The following ROBO2 variants were observed in gnomAD, a reference collection of about 807,000 sequenced individuals.
The protein encoded by ROBO2 is roundabout homolog 2.
Under a neutral mutation model 160.8 loss-of-function variants are expected in ROBO2, and 53 were observed. That is an observed-to-expected ratio of 0.33 (90% CI 0.26 to 0.41). The LOEUF is 0.41. ROBO2 is among the 10% of genes least tolerant of loss of function. ROBO2 has a pLI of 1.00. For synonymous variants in ROBO2, 664 were observed against 611.7 expected (o/e 1.09, Z -1.26); for missense variants, 1,577 against 1,722.4 (o/e 0.92, Z 1.49).
chr3:77,026,868 C>T (rs1214168878), intron 2 of ROBO2, among the ~76,000 whole-genome samples: 14 of 152,150 alleles, frequency 9.2e-5, no homozygotes, highest in Non-Finnish European at 1.8e-4. Flanking sequence ...TGTAACTTCT[C>T]GTACCTAGAA....
chr3:77,600,087 A>G (rs2094401637), intron 19 of ROBO2, among the ~76,000 whole-genome samples: 1 of 152,214 alleles, frequency 6.6e-6, no homozygotes, highest in Non-Finnish European at 1.5e-5. Flanking sequence ...CCAGTCAGAC[A>G]GCCTAAAACA....
chr3:76,644,319 A>G (rs1376478952), intron 2 of ROBO2, among the ~76,000 whole-genome samples: 1 of 120,576 alleles, frequency 8.3e-6, no homozygotes, highest in African/African-American at 3.4e-5. Context: ...AATGAGCATA[A>G]GGGGTAAAAA....
intron 2 of ROBO2, among the ~76,000 whole-genome samples, chr3:76,646,699 G>A (rs1395996267): frequency 1.3e-5 from 2 of 152,056 alleles, no homozygotes; most frequent in African/African-American, 4.8e-5. Flanking sequence ...CTTTGCTGAC[G>A]TCTTTACCTC....
intron 2 of ROBO2, among the ~76,000 whole-genome samples, chr3:77,289,100 GT>G (rs1339222241): frequency 1.3e-5 from 2 of 152,154 alleles, no homozygotes; most frequent in Non-Finnish European, 2.9e-5. Context: ...CACTTGATAT[GT>G]GGATTGTACA....
At chr3:76,354,781 T>C (rs543037391) in intron 2 of ROBO2, among the ~76,000 whole-genome samples, 19 of 151,916 alleles carry the variant, frequency 1.3e-4, no homozygotes, top group African/African-American at 4.6e-4. Flanking sequence ...CTGCTGGGTA[T>C]AAGTAGAGGA....
intron 2 of ROBO2, among the ~76,000 whole-genome samples, chr3:76,398,505 T>G (rs975490466): frequency 6.6e-6 from 1 of 151,238 alleles, no homozygotes. Context: ...AAGAAAAAAT[T>G]CAAGCTGTAT....
chr3:77,053,467 T>A (rs537062950), intron 1 of ROBO2, among the ~76,000 whole-genome samples: 1 of 152,162 alleles, frequency 6.6e-6, no homozygotes, highest in Non-Finnish European at 1.5e-5. Context: ...CTTCCTGTCA[T>A]CTGTTTTCAC....
At chr3:76,340,530 T>A (rs2074160766) in intron 2 of ROBO2, among the ~76,000 whole-genome samples, 2 of 152,194 alleles carry the variant, frequency 1.3e-5, no homozygotes, top group Non-Finnish European at 2.9e-5. Context: ...TTATACTGCT[T>A]TACAGCATAT....
chr3:76,276,033 A>G (rs1707899468), intron 2 of ROBO2, among the ~76,000 whole-genome samples: 1 of 152,118 alleles, frequency 6.6e-6, no homozygotes, highest in African/African-American at 2.4e-5. Context: ...TAATTAACAT[A>G]TAAGTACATC....
At chr3:76,944,807 G>A (rs545015159) in intron 2 of ROBO2, among the ~76,000 whole-genome samples, 1 of 152,184 alleles carries the variant, frequency 6.6e-6, no homozygotes, top group Non-Finnish European at 1.5e-5. Context: ...AGGTAAGATG[G>A]ACAGATTAAA....
At chr3:76,460,032 A>AT (rs1237418190) in intron 2 of ROBO2, among the ~76,000 whole-genome samples, 2 of 152,008 alleles carry the variant, frequency 1.3e-5, no homozygotes, top group African/African-American at 4.8e-5. Flanking sequence ...AGATATCTTT[A>AT]TTTTTTTCTT....
intron 2 of ROBO2, among the ~76,000 whole-genome samples, chr3:76,383,113 G>A (rs2076716923): frequency 6.6e-6 from 1 of 152,140 alleles, no homozygotes; most frequent in African/African-American, 2.4e-5. Flanking sequence ...GATGGAGTAG[G>A]CAGGGGAAAG....
chr3:76,266,086 A>G (rs555121402), intron 2 of ROBO2, among the ~76,000 whole-genome samples: 1 of 152,264 alleles, frequency 6.6e-6, no homozygotes, highest in African/African-American at 2.4e-5. Flanking sequence ...AATTTTGTCA[A>G]ATTGCCTTTT....
intron 2 of ROBO2, among the ~76,000 whole-genome samples, chr3:77,256,130 G>A (rs564153155): frequency 6.6e-6 from 1 of 152,278 alleles, no homozygotes; most frequent in Middle Eastern, 3.4e-3. Flanking sequence ...CAGGTTATTT[G>A]TTTTTAGGTG....
chr3:76,857,147 G>A (rs967918533), intron 2 of ROBO2, among the ~76,000 whole-genome samples: 2 of 151,908 alleles, frequency 1.3e-5, no homozygotes, highest in East Asian at 3.9e-4. Flanking sequence ...CACCACGCCC[G>A]GATAATTTTT....
intron 2 of ROBO2, among the ~76,000 whole-genome samples, chr3:77,477,065 A>G (rs573991616): frequency 6.6e-6 from 1 of 152,206 alleles, no homozygotes; most frequent in Non-Finnish European, 1.5e-5. Context: ...ACACACACAT[A>G]TATGAGTTTC....
chr3:76,595,367 A>G (rs893774557), intron 2 of ROBO2, among the ~76,000 whole-genome samples: 4 of 152,056 alleles, frequency 2.6e-5, no homozygotes, highest in Non-Finnish European at 4.4e-5. Flanking sequence ...ATTATATATT[A>G]TGTATTTTGT....
intron 2 of ROBO2, among the ~76,000 whole-genome samples, chr3:77,271,651 A>C (rs976465157): frequency 1.3e-5 from 2 of 152,244 alleles, no homozygotes; most frequent in Non-Finnish European, 2.9e-5. Flanking sequence ...AAAAGATAAT[A>C]AAGTAGAAGA....
In ROBO2 at chr3:76,482,101, T is replaced by C. The variant is rs1186499670; in HGVS notation, c.109+544499T>C. Reference sequence around the variant, plus strand: ...TGAATAGGAGCTGCCAGAAAACCCCTGCCAAACCACCCACTTCATTTCCCA... The same window carrying C: ...TGAATAGGAGCTGCCAGAAAACCCCCGCCAAACCACCCACTTCATTTCCCA... On this transcript the variant is annotated intron_variant, in intron 2 of 26. Transcript: ENST00000487694. Among the ~76,000 whole-genome samples the C allele has an allele frequency of 2.6e-5, 4 of 152,226 alleles. No homozygotes were observed. In the East Asian group the frequency reaches 7.7e-4, roughly 29 times the overall value.
Sources: gnomAD v4.1 joint callset for allele counts (sites outside exome capture counted in the v4.1 genomes callset) on GRCh38, gnomAD v4.1.1 for gene constraint, MANE v1.5 for transcripts, NCBI Gene and HGNC (gene_info 2026-07-23, HGNC 2026-07-21) for gene names.